DCAF1: variants seen among roughly 807,000 people sequenced by gnomAD.
The protein encoded by DCAF1 is DDB1 and CUL4 associated factor 1.
In DCAF1, 15 loss-of-function variants were observed where a neutral mutation model predicts 128.0. The observed-to-expected ratio is 0.12, with a 90% CI of 0.08 to 0.18. The LOEUF is 0.18. Ranked by LOEUF, DCAF1 falls within the 10% of genes least tolerant of loss-of-function variation. The pLI is 1.00. For synonymous variants in DCAF1, 610 were observed against 603.0 expected, an observed-to-expected ratio of 1.01 and a Z score of -0.17; for missense variants, 988 against 1,649.5, an observed-to-expected ratio of 0.60 and a Z score of 6.95.
chr3:51,398,695 A>G lies in DCAF1; in HGVS notation c.*74T>C. 1 of 1,532,210 alleles carries G rather than the reference A, an allele frequency of 6.5e-7. No individual in the cohort carries two copies. The allele number at this position is 1,532,210 out of a possible 1,614,324, so 94.9% of individuals were successfully genotyped here. On this transcript the variant is annotated 3_prime_UTR_variant, in exon 25 of 25. Coordinates refer to ENST00000684031, the MANE Select transcript of DCAF1 (RefSeq NM_001387579.1). ...AGACAGACAGCCCTGGGAGAAAGAGAAGGGAATATGTTCTGAATTCATTTG... is the reference window on the plus strand; with the variant it reads ...AGACAGACAGCCCTGGGAGAAAGAGGAGGGAATATGTTCTGAATTCATTTG...
intron 14 of DCAF1, 56 bp from the exon 15 acceptor site, chr3:51,421,053 T>C (rs1350857340): frequency 4.6e-6 from 7 of 1,533,760 alleles, no homozygotes; most frequent in East Asian, 4.5e-5. Flanking sequence ...CCAACTTCAA[T>C]AGTTGTTCCA....
At chr3:51,505,046 G>A in the DCAF1 span, among the ~76,000 whole-genome samples, 1 of 152,108 alleles carries the variant, frequency 6.6e-6, no homozygotes, top group African/African-American at 2.4e-5. Context: ...TGGATCACCT[G>A]AGGTCGAGAG....
intron 3 of DCAF1, among the ~76,000 whole-genome samples, chr3:51,477,818 G>A (rs957359136): frequency 6.6e-6 from 1 of 152,072 alleles, no homozygotes; most frequent in East Asian, 1.9e-4. Flanking sequence ...TCAAATATTT[G>A]TTGAGTGGAA....
chr3:51,491,360 A>C (rs1244332778), intron 2 of DCAF1, among the ~76,000 whole-genome samples: 1 of 152,064 alleles, frequency 6.6e-6, no homozygotes, highest in South Asian at 2.1e-4. Context: ...AAAAAAAAAA[A>C]AAAGTTGGAA....
intron 17 of DCAF1, 97 bp downstream of exon 17, chr3:51,418,019 C>G: frequency 6.9e-7 from 1 of 1,459,612 alleles, no homozygotes; most frequent in Non-Finnish European, 9.2e-7. Context: ...CGACAGCATC[C>G]TCTTTCCCCA....
At chr3:51,439,291 G>A (rs1701141142) in intron 9 of DCAF1, among the ~76,000 whole-genome samples, 1 of 151,754 alleles carries the variant, frequency 6.6e-6, no homozygotes, top group African/African-American at 2.4e-5. Flanking sequence ...ACCACGCCAG[G>A]CTAATTTTTG....
At chr3:51,444,897 G>A (rs370005698) in intron 6 of DCAF1, among the ~76,000 whole-genome samples, 28 of 148,108 alleles carry the variant, frequency 1.9e-4, no homozygotes, top group South Asian at 1.7e-3. Flanking sequence ...GGATGGTCTC[G>A]ATCTCCTGAC....
At chr3:51,501,776 A>G (rs1380942767), upstream of DCAF1, among the ~76,000 whole-genome samples, 2 of 152,166 alleles carry the variant, frequency 1.3e-5, no homozygotes, top group Admixed American at 1.3e-4. Context: ...CACAACACAC[A>G]GGTCCCTTCT....
intron 23 of DCAF1, among the ~76,000 whole-genome samples, chr3:51,408,819 T>G (rs1698140385): frequency 6.6e-6 from 1 of 152,166 alleles, no homozygotes; most frequent in African/African-American, 2.4e-5. Context: ...CAGAGGTCCT[T>G]CAAACATGAA....
chr3:51,414,124 T>C lies in DCAF1; in HGVS notation c.3838-81A>G, dbSNP rs1577072417. 5 of 1,452,166 alleles carry C rather than the reference T, an allele frequency of 3.4e-6. No homozygotes were observed. In the East Asian group the frequency reaches 1.0e-4, roughly 30 times the overall value. The allele number at this position is 1,452,166 out of a possible 1,614,324, so 90.0% of individuals were successfully genotyped here. A position where few individuals can be genotyped will look rare whatever the true frequency, so the allele number is the denominator to read the frequency against. On this transcript the variant is annotated intron_variant, in intron 19 of 24. Transcript: ENST00000684031. ...GGGAGGAAATTCTAAAATATCACTT[T>C]TTTTCCTCCTGCCAGGTATTGATAC...
At chr3:51,440,945 G>A (rs999440268) in intron 9 of DCAF1, 25 bp downstream of exon 9, 3 of 1,568,284 alleles carry the variant, frequency 1.9e-6, no homozygotes, top group Non-Finnish European at 2.6e-6. Context: ...AATCCCCGGT[G>A]ACCCAATATT....
intron 6 of DCAF1, among the ~76,000 whole-genome samples, chr3:51,452,566 A>G (rs1335184109): frequency 6.6e-6 from 1 of 152,182 alleles, no homozygotes; most frequent in African/African-American, 2.4e-5. Context: ...GTTCTTGCAG[A>G]AAGCTTTATT....
At chr3:51,503,872 C>T (rs1017273797), upstream of DCAF1, among the ~76,000 whole-genome samples, 1 of 152,086 alleles carries the variant, frequency 6.6e-6, no homozygotes, top group African/African-American at 2.4e-5. Context: ...GTGCCCACAT[C>T]GATCAGTGGG....
At chr3:51,419,363 A>AT (rs1553631612) in intron 15 of DCAF1, among the ~76,000 whole-genome samples, 1 of 152,034 alleles carries the variant, frequency 6.6e-6, no homozygotes, top group East Asian at 1.9e-4. Flanking sequence ...CGTCTCCAAA[A>AT]AAAAAAAAAA....
chr3:51,413,239 C>T, intron 21 of DCAF1, 43 bp downstream of exon 21: 2 of 1,587,302 alleles, frequency 1.3e-6, no homozygotes, highest in Non-Finnish European at 1.7e-6. Context: ...TAAGGAACAC[C>T]AAAACACGAC....
At chr3:51,407,220 T>C (rs1313865996) in intron 23 of DCAF1, among the ~76,000 whole-genome samples, 9 of 151,912 alleles carry the variant, frequency 5.9e-5, no homozygotes, top group East Asian at 1.9e-4. Flanking sequence ...CTGACCTTTA[T>C]GTAACATGTC....
upstream of DCAF1, among the ~76,000 whole-genome samples, chr3:51,502,070 G>A (rs552269028): frequency 3.3e-5 from 5 of 152,290 alleles, no homozygotes; most frequent in Admixed American, 2.6e-4. Context: ...AATGTATGAG[G>A]ATGGGACATT....
At chr3:51,429,544 G>A in intron 11 of DCAF1, 74 bp from the exon 12 acceptor site, 1 of 737,408 alleles carries the variant, frequency 1.4e-6, no homozygotes, top group Non-Finnish European at 2.5e-6. Context: ...TTTAAAAAAG[G>A]GAAAATATTT....
At chr3:51,431,199 T>G (rs782358512) in intron 10 of DCAF1, among the ~76,000 whole-genome samples, 4 of 152,022 alleles carry the variant, frequency 2.6e-5, no homozygotes, top group Non-Finnish European at 4.4e-5. Flanking sequence ...ACCACATACG[T>G]ATGTGTAACC....
Sources: gnomAD v4.1 joint callset for allele counts (sites outside exome capture counted in the v4.1 genomes callset) on GRCh38, gnomAD v4.1.1 for gene constraint, MANE v1.5 for transcripts, NCBI Gene and HGNC (gene_info 2026-07-23, HGNC 2026-07-21) for gene names.